LCK: variants seen among roughly 807,000 people sequenced by gnomAD.
The protein encoded by LCK is tyrosine-protein kinase Lck.
Under a neutral mutation model 64.6 loss-of-function variants are expected in LCK, and 14 were observed. That is an observed-to-expected ratio of 0.22 (90% confidence interval 0.14 to 0.34). The LOEUF is 0.34. LCK is among the 10% of genes least tolerant of loss of function. LCK has a pLI of 1.00. For missense variants in LCK, 434 were observed against 668.1 expected (o/e 0.65, Z 3.86); for synonymous variants, 277 against 263.6 (o/e 1.05, Z -0.49).
At chr1:32,267,282 TA>T (rs1483394187) in intron 1 of LCK, among the ~76,000 whole-genome samples, 1 of 152,116 alleles carries the variant, frequency 6.6e-6, no homozygotes, top group Non-Finnish European at 1.5e-5. Flanking sequence ...AGTGAATACG[TA>T]CCCTTTTCCT....
chr1:32,284,006 G>A (rs1398742576), intron 12 of LCK, among the ~76,000 whole-genome samples: 3 of 151,498 alleles, frequency 2.0e-5, no homozygotes, highest in Admixed American at 6.6e-5. Flanking sequence ...TCAGTCTCTC[G>A]GGTAGCTGGA....
chr1:32,274,014 G>A (rs1477888168), intron 1 of LCK: 2 of 418,686 alleles, frequency 4.8e-6, no homozygotes, highest in East Asian at 5.2e-5. Flanking sequence ...GGAGAGGGAG[G>A]GGGCAGAGGC....
intron 1 of LCK, among the ~76,000 whole-genome samples, chr1:32,270,028 A>C (rs1373858750): frequency 6.6e-6 from 1 of 152,180 alleles, no homozygotes; most frequent in African/African-American, 2.4e-5. Flanking sequence ...CTATGGGGAC[A>C]GTCTTCTGAG....
Position 32,275,219 on chromosome 1 carries a change from G to A in LCK, c.279-102G>A. ...AAAATTCGAGGCTCAGTATTGCTGA[G>A]CCAGGGTTGGGGGAGGCTGGCTTAA... On this transcript the variant is annotated intron_variant, in intron 4 of 12. Coordinates refer to ENST00000336890, the MANE Select transcript of LCK (RefSeq NM_005356.5). The surrounding 1 kb of genome is among the most constrained non-coding windows in gnomAD (Gnocchi z 6.9). The A allele has an allele frequency of 2.0e-6, 3 of 1,482,146 alleles. No homozygotes were observed. Among genetic ancestry groups the A allele is most frequent in the Non-Finnish European group, 2.8e-6 (3 of 1,064,462 alleles). 91.8% of individuals were successfully genotyped at this position (1,482,146 alleles called of 1,614,324 possible). A position where few individuals can be genotyped will look rare whatever the true frequency, so the allele number is the denominator to read the frequency against.
rs1177481766 is a variant in LCK at position 32,275,327 on chromosome 1, C to A, written c.285C>A (p.Gly95=). Reference sequence around the variant, plus strand: ...ACCCACCTCCGTGGCGCAGGAGCGGCGAGTGGTGGAAGGCGCAGTCCCTGA... The same window carrying A: ...ACCCACCTCCGTGGCGCAGGAGCGGAGAGTGGTGGAAGGCGCAGTCCCTGA... ...GEQLRILEQS[G]EWWKAQSLTT... is the part of the protein sequence containing the mutation. The change falls in exon 5 of 13, where the codon GGC becomes GGA. Residue 95 remains glycine (G), a synonymous_variant. Coordinates refer to ENST00000336890, the MANE Select transcript of LCK (RefSeq NM_005356.5). The surrounding 1 kb of genome is among the most constrained non-coding windows in gnomAD (Gnocchi z 6.9). The A allele has an allele frequency of 6.2e-7, 1 of 1,614,142 alleles. No homozygotes were observed. The highest frequency in any genetic ancestry group is 2.2e-5 in the East Asian group (1 of 44,866).
chr1:32,270,021 T>C (rs924527041), intron 1 of LCK, among the ~76,000 whole-genome samples: 2 of 152,334 alleles, frequency 1.3e-5, no homozygotes, highest in African/African-American at 2.4e-5. Context: ...TCTCTAACTA[T>C]GGGGACAGTC....
At position 32,276,281 on chromosome 1, in the gene LCK, G is replaced by T; in HGVS notation, c.632-56G>T. 2 of 1,518,648 alleles carry T rather than the reference G, an allele frequency of 1.3e-6. No individual in the cohort carries two copies. The highest frequency in any genetic ancestry group is 1.8e-6 in the Non-Finnish European group (2 of 1,137,070). 94.1% of individuals were successfully genotyped at this position (1,518,648 alleles called of 1,614,324 possible). A position where few individuals can be genotyped will look rare whatever the true frequency, so the allele number is the denominator to read the frequency against. On this transcript the variant is annotated intron_variant, in intron 7 of 12. Coordinates refer to ENST00000336890, the MANE Select transcript of LCK (RefSeq NM_005356.5). The surrounding 1 kb of genome is among the most constrained non-coding windows in gnomAD (Gnocchi z 4.6). ...GGGGCTTGGAGAAGTGGGGGAGGTGGTGTCAATACGAGGCCTGCCCTATTG... is the reference window on the plus strand; with the variant it reads ...GGGGCTTGGAGAAGTGGGGGAGGTGTTGTCAATACGAGGCCTGCCCTATTG...
At chr1:32,281,427 T>G (rs1039354923) in intron 12 of LCK, among the ~76,000 whole-genome samples, 6 of 139,328 alleles carry the variant, frequency 4.3e-5, no homozygotes, top group Admixed American at 1.5e-4. Flanking sequence ...TCTATTGCAC[T>G]CCAGCCTGAG....
rs543859895 is a variant in LCK at position 32,276,192 on chromosome 1, C to G, written c.631+129C>G. 66 of 1,449,944 alleles carry G rather than the reference C, an allele frequency of 4.6e-5. No homozygotes were observed. The African/African-American group carries it at 7.5e-4, about 17-fold the overall frequency. The allele number at this position is 1,449,944 out of a possible 1,614,324, so 89.8% of individuals were successfully genotyped here. ...CAGTGGGTGAGGTGTGGAACCTGACCCTACGGCCCCAAGTGTTTGGGTGAC... is the reference window on the plus strand; with the variant it reads ...CAGTGGGTGAGGTGTGGAACCTGACGCTACGGCCCCAAGTGTTTGGGTGAC... On this transcript the variant is annotated intron_variant, in intron 7 of 12. Coordinates refer to ENST00000336890, the MANE Select transcript of LCK (RefSeq NM_005356.5). The surrounding 1 kb of genome is among the most constrained non-coding windows in gnomAD (Gnocchi z 4.6).
chr1:32,278,651 C>T (rs565796669), intron 9 of LCK, among the ~76,000 whole-genome samples: 3 of 152,174 alleles, frequency 2.0e-5, no homozygotes, highest in South Asian at 2.1e-4. Context: ...TCATGTGTAT[C>T]GACTTTGATT....
chr1:32,263,192 G>A (rs1639825060), intron 1 of LCK, among the ~76,000 whole-genome samples: 2 of 151,958 alleles, frequency 1.3e-5, no homozygotes, highest in Non-Finnish European at 2.9e-5. Flanking sequence ...GGGAGTTCGA[G>A]ACCAACCTGG....
chr1:32,285,080 A>ATCACCTGAGGTCAGGAGT (rs1472760304), intron 12 of LCK, among the ~76,000 whole-genome samples: 2 of 151,824 alleles, frequency 1.3e-5, no homozygotes, highest in African/African-American at 4.8e-5. Context: ...AGGCGGGCGG[A>ATCACCTGAGGTCAGGAGT]TCACCTGAGG....
intron 1 of LCK, among the ~76,000 whole-genome samples, chr1:32,263,827 C>T (rs1639845323): frequency 6.6e-6 from 1 of 152,006 alleles, no homozygotes; most frequent in Admixed American, 6.6e-5. Context: ...AAGAGGATCC[C>T]TTGAGCACAG....
chr1:32,274,521 G>A, intron 2 of LCK, 87 bp downstream of exon 2: 4 of 1,151,278 alleles, frequency 3.5e-6, no homozygotes, highest in Non-Finnish European at 5.0e-6. Flanking sequence ...ACAGGCCCTT[G>A]AAAGAATAGA....
intron 1 of LCK, 25 bp from the exon 2 acceptor site, chr1:32,274,300 T>G: frequency 3.7e-6 from 6 of 1,613,918 alleles, no homozygotes; most frequent in Non-Finnish European, 5.1e-6. Context: ...GGGAGCCCCT[T>G]CAGCCCCCTC....
Position 32,275,122 on chromosome 1 carries a change from G to A in LCK, c.278+39G>A. 6 of 1,571,422 alleles carry A rather than the reference G, an allele frequency of 3.8e-6. No individual in the cohort carries two copies. The highest frequency in any genetic ancestry group is 2.3e-5 in the South Asian group (2 of 87,570). ...CACCTTGCTCTGGCGGAGTCCGTGA[G>A]GGAGCGGCGATCTCCGCGACCCGCA... On this transcript the variant is annotated intron_variant, in intron 4 of 12. Transcript: ENST00000336890. This position sits in a 1 kb window ranked among gnomAD's most constrained non-coding sequence, Gnocchi z 6.9.
In LCK at chr1:32,272,573, A is replaced by AAGAGAGAGAGAGAAAGAGAG. The variant is rs1640106545; in HGVS notation, c.-5-1740_-5-1721dup. On this transcript the variant is annotated intron_variant, in intron 1 of 12. Transcript: ENST00000336890. ...GGGAGAGGAAGGGAGACCCTGTCTCAAGAGAGAGAGAGAAAGAGAGAGAGA... is the reference window on the plus strand; with the variant it reads ...GGGAGAGGAAGGGAGACCCTGTCTCAAGAGAGAGAGAGAAAGAGAGAGAGAGAGAGAGAAAGAGAGAGAGA... 1.4e-4 allele frequency among the ~76,000 whole-genome samples: 10 copies of AAGAGAGAGAGAGAAAGAGAG among 71,906 alleles called. No homozygotes were observed. The Admixed American group carries it at 1.7e-3, about 12-fold the overall frequency. The allele number at this position is 71,906 out of a possible 152,430, so 47.2% of individuals were successfully genotyped here.
chr1:32,259,618 T>TA (rs1288134368), intron 1 of LCK, among the ~76,000 whole-genome samples: 4 of 145,850 alleles, frequency 2.7e-5, no homozygotes, highest in Admixed American at 1.4e-4. Flanking sequence ...AGACTTCATC[T>TA]AAAAAAATAA....
At chr1:32,263,431 AAATAAATAAAT>A (rs149891920) in intron 1 of LCK, among the ~76,000 whole-genome samples, 12,338 of 145,146 alleles carry the variant, frequency 0.085, 824 homozygotes, top group East Asian at 0.23. Context: ...ATAAATAAAT[AAATAAATAAAT>A]AAATAAAAAT....
Sources: gnomAD v4.1 joint callset for allele counts (sites outside exome capture counted in the v4.1 genomes callset) on GRCh38, gnomAD v4.1.1 for gene constraint, Gnocchi (gnomAD v3.1) non-coding constraint, MANE v1.5 for transcripts, NCBI Gene and HGNC (gene_info 2026-07-23, HGNC 2026-07-21) for gene names.